Variants in BMPER observed in about 807,000 individuals in gnomAD.
BMPER encodes BMP binding endothelial regulator, also known as BMP-binding endothelial regulator protein.
BMPER carries 45 observed loss-of-function variants against 87.3 expected under a neutral mutation model. The observed-to-expected ratio is 0.52, with a 90% confidence interval of 0.41 to 0.66. The LOEUF (loss-of-function observed/expected upper bound fraction) is 0.66. Among genes scored for constraint, BMPER ranks in the 30% least tolerant of loss-of-function variants. The pLI is 0.00. For synonymous variants in BMPER, 326 were observed against 316.2 expected, an observed-to-expected ratio of 1.03 and a Z score of -0.33; for missense variants, 784 against 867.5, an observed-to-expected ratio of 0.90 and a Z score of 1.21.
rs116987880 is a variant in BMPER at position 34,146,232 on chromosome 7, G to A, written c.1876+2872G>A. Among the ~76,000 whole-genome samples, 21 of 152,148 alleles carry A rather than the reference G, an allele frequency of 1.4e-4. No homozygotes were observed. In the East Asian group the frequency reaches 3.3e-3, roughly 24 times the overall value. Reference sequence around the variant, plus strand: ...TTAGCTCCCAGGTCCTTTGACTCACGACGGCACTTGAGGCCACATAAGACA... The same window carrying A: ...TTAGCTCCCAGGTCCTTTGACTCACAACGGCACTTGAGGCCACATAAGACA... On this transcript the variant is annotated intron_variant, in intron 14 of 14. Coordinates refer to ENST00000649409, the MANE Select transcript of BMPER (RefSeq NM_001365308.1).
chr7:34,142,141 T>G (rs1464396427), intron 13 of BMPER, among the ~76,000 whole-genome samples: 1 of 152,236 alleles, frequency 6.6e-6, no homozygotes, highest in Admixed American at 6.5e-5. Context: ...GATAGTTTAA[T>G]TTTATTAGTC....
rs536636716 is a variant in BMPER at position 34,134,807 on chromosome 7, C to T, written c.1746-8423C>T. Among the ~76,000 whole-genome samples the T allele has an allele frequency of 1.4e-4, 22 of 152,234 alleles. No homozygotes were observed. The East Asian group carries it at 3.3e-3, about 23-fold the overall frequency. ...GAAAATATTTTAGATTCCATACATGCGTGATAGCTGTTTGGTCACTGTTAA... is the reference window on the plus strand; with the variant it reads ...GAAAATATTTTAGATTCCATACATGTGTGATAGCTGTTTGGTCACTGTTAA... On this transcript the variant is annotated intron_variant, in intron 13 of 14. Transcript: ENST00000649409.
chr7:34,139,489 A>G (rs1161738648), intron 13 of BMPER, among the ~76,000 whole-genome samples: 2 of 152,220 alleles, frequency 1.3e-5, no homozygotes, highest in Admixed American at 6.5e-5. Flanking sequence ...TAGAAAAGTG[A>G]TATGTATTCA....
chr7:33,921,327 T>C (rs2128604630), intron 2 of BMPER, among the ~76,000 whole-genome samples: 1 of 152,292 alleles, frequency 6.6e-6, no homozygotes, highest in African/African-American at 2.4e-5. Flanking sequence ...CCCTGTGAGG[T>C]AGCGCTGGCA....
At chr7:34,053,581 A>G (rs1212717548) in intron 8 of BMPER, among the ~76,000 whole-genome samples, 2 of 152,242 alleles carry the variant, frequency 1.3e-5, no homozygotes, top group South Asian at 2.1e-4. Flanking sequence ...TATGTATTAC[A>G]TACTGTATTC....
At chr7:33,998,310 G>T (rs566754068) in intron 6 of BMPER, among the ~76,000 whole-genome samples, 2 of 152,170 alleles carry the variant, frequency 1.3e-5, no homozygotes, top group African/African-American at 4.8e-5. Context: ...TTGTCTGTGC[G>T]TTATCCTTGT....
chr7:34,118,711 G>T (rs528783090), intron 13 of BMPER, among the ~76,000 whole-genome samples: 1 of 152,250 alleles, frequency 6.6e-6, no homozygotes, highest in South Asian at 2.1e-4. Flanking sequence ...CTCTGTGCAG[G>T]TATCACTTAT....
intron 13 of BMPER, among the ~76,000 whole-genome samples, chr7:34,094,179 T>A (rs1789467053): frequency 6.6e-6 from 1 of 152,222 alleles, no homozygotes; most frequent in Non-Finnish European, 1.5e-5. Context: ...AATTCACTCC[T>A]TTTTACAGCT....
intron 13 of BMPER, among the ~76,000 whole-genome samples, chr7:34,105,773 C>T (rs144470652): frequency 6.6e-6 from 1 of 152,266 alleles, no homozygotes; most frequent in East Asian, 1.9e-4. Flanking sequence ...GGGGACACGT[C>T]TTCTTTCAAA....
chr7:34,028,177 T>A (rs949948120), intron 6 of BMPER, among the ~76,000 whole-genome samples: 1 of 152,066 alleles, frequency 6.6e-6, no homozygotes, highest in Non-Finnish European at 1.5e-5. Context: ...CAAAACAACA[T>A]ATTGCAATAA....
intron 13 of BMPER, among the ~76,000 whole-genome samples, chr7:34,128,500 AAAT>A (rs767925285): frequency 9.9e-5 from 15 of 152,236 alleles, no homozygotes; most frequent in Non-Finnish European, 1.9e-4. Context: ...TTAAAAAGGA[AAAT>A]AATGTTTGCG....
chr7:33,984,239 G>T (rs530081640), intron 6 of BMPER, among the ~76,000 whole-genome samples: 9 of 152,088 alleles, frequency 5.9e-5, no homozygotes, highest in Non-Finnish European at 1.3e-4. Context: ...AGGCCGAGGC[G>T]GGTGGATCAC....
intron 6 of BMPER, among the ~76,000 whole-genome samples, chr7:34,005,320 A>C (rs1251779817): frequency 1.3e-5 from 2 of 152,116 alleles, no homozygotes; most frequent in Non-Finnish European, 2.9e-5. Context: ...GACAAGATTA[A>C]TGTAAGTTAA....
chr7:34,024,994 T>A (rs1196925092), intron 6 of BMPER, among the ~76,000 whole-genome samples: 1 of 152,040 alleles, frequency 6.6e-6, no homozygotes, highest in Non-Finnish European at 1.5e-5. Flanking sequence ...TAATACAGTT[T>A]TCAGAATTGT....
chr7:34,002,879 T>C (rs1407282089), intron 6 of BMPER, among the ~76,000 whole-genome samples: 1 of 151,792 alleles, frequency 6.6e-6, no homozygotes, highest in African/African-American at 2.4e-5. Flanking sequence ...ATCCTTTTAC[T>C]TTCAACTTAC....
At chr7:33,926,109 G>C (rs1387529459) in intron 2 of BMPER, among the ~76,000 whole-genome samples, 1 of 152,164 alleles carries the variant, frequency 6.6e-6, no homozygotes, top group Non-Finnish European at 1.5e-5. Context: ...AGCTCTTCTA[G>C]GGCAGAAGAT....
intron 13 of BMPER, among the ~76,000 whole-genome samples, chr7:34,091,691 G>C (rs1055631969): frequency 2.0e-5 from 3 of 152,122 alleles, no homozygotes; most frequent in Admixed American, 2.0e-4. Context: ...TATGCCTAGT[G>C]TTCCATTTTT....
intron 13 of BMPER, among the ~76,000 whole-genome samples, chr7:34,093,116 G>A (rs961798557): frequency 5.3e-5 from 8 of 152,262 alleles, no homozygotes; most frequent in East Asian, 1.9e-4. Context: ...ACTCATGGGT[G>A]TGATTTATAT....
At chr7:34,038,740 T>A (rs953554180) in intron 6 of BMPER, among the ~76,000 whole-genome samples, 2 of 152,174 alleles carry the variant, frequency 1.3e-5, no homozygotes, top group African/African-American at 4.8e-5. Context: ...TCAGGGGTCT[T>A]TGTTTGCTAT....
Sources: gnomAD v4.1 joint callset for allele counts (sites outside exome capture counted in the v4.1 genomes callset) on GRCh38, gnomAD v4.1.1 for gene constraint, MANE v1.5 for transcripts, NCBI Gene and HGNC (gene_info 2026-07-23, HGNC 2026-07-21) for gene names.